The following PRKD2 variants were observed in gnomAD, a reference collection of about 807,000 sequenced individuals.
PRKD2 encodes the protein serine/threonine-protein kinase D2.
A neutral mutation model predicts 86.0 loss-of-function variants in PRKD2; 22 were observed. The observed-to-expected ratio is 0.26, with a 90% CI of 0.18 to 0.37. The LOEUF is 0.37. PRKD2 is among the 10% of genes least tolerant of loss of function. The pLI is 1.00. For missense variants in PRKD2, 818 were observed against 1,199.2 expected, an observed-to-expected ratio of 0.68 and a Z score of 4.70; for synonymous variants, 509 against 510.9, an observed-to-expected ratio of 1.00 and a Z score of 0.05.
chr19:46,708,651 G>A (rs780827846), intron 3 of PRKD2, among the ~76,000 whole-genome samples: 1 of 152,084 alleles, frequency 6.6e-6, no homozygotes, highest in Non-Finnish European at 1.5e-5. Context: ...CTCTCTCTCC[G>A]TGTCCCATGT....
intron 14 of PRKD2, among the ~76,000 whole-genome samples, chr19:46,688,307 T>G (rs2053429786): frequency 1.3e-5 from 2 of 151,976 alleles, no homozygotes; most frequent in Admixed American, 1.3e-4. Flanking sequence ...CTGACTCCCC[T>G]TTTTTCTAGA....
chr19:46,694,323 G>A (rs933713010), intron 9 of PRKD2, among the ~76,000 whole-genome samples, 190 bp from the exon 10 acceptor site: 2 of 152,202 alleles, frequency 1.3e-5, no homozygotes, highest in Non-Finnish European at 2.9e-5. Context: ...GGCCAGGTGC[G>A]GTGGCTCATG....
chr19:46,689,731 T>A, intron 13 of PRKD2, 33 bp from the exon 14 acceptor site: 1 of 1,612,540 alleles, frequency 6.2e-7, no homozygotes, highest in Non-Finnish European at 8.5e-7. Flanking sequence ...AGGGCCCAGG[T>A]AACCCACAAA....
chr19:46,715,984 G>T, intron 1 of PRKD2, 147 bp downstream of exon 1: 1 of 1,311,730 alleles, frequency 7.6e-7, no homozygotes, highest in Non-Finnish European at 1.0e-6. Context: ...GAGGGGCAAT[G>T]GAGGGGGGCA....
chr19:46,690,562 A>G, intron 13 of PRKD2, 38 bp downstream of exon 13: 2 of 1,598,576 alleles, frequency 1.3e-6, no homozygotes, highest in East Asian at 4.5e-5. Flanking sequence ...TGGCCCATGA[A>G]AGGAAGAAGC....
intron 9 of PRKD2, among the ~76,000 whole-genome samples, chr19:46,695,540 C>T (rs1308666927): frequency 6.6e-6 from 1 of 152,182 alleles, no homozygotes; most frequent in East Asian, 1.9e-4. Context: ...CTTTGCGGGC[C>T]ACAAGGAAGA....
At chr19:46,701,315 G>A (rs1338120909) in intron 5 of PRKD2, among the ~76,000 whole-genome samples, 1 of 151,602 alleles carries the variant, frequency 6.6e-6, no homozygotes, top group Non-Finnish European at 1.5e-5. Flanking sequence ...TAAGTAGGAG[G>A]GCTAGACTCA....
At chr19:46,696,625 G>A (rs891435500) in intron 9 of PRKD2, among the ~76,000 whole-genome samples, 1 of 152,020 alleles carries the variant, frequency 6.6e-6, no homozygotes, top group Non-Finnish European at 1.5e-5. Flanking sequence ...GGGTGTGGTG[G>A]CATTCACCTG....
intron 10 of PRKD2, among the ~76,000 whole-genome samples, chr19:46,692,402 GCCAGACATTTCTAAAGT>G (rs2053496017): frequency 1.3e-5 from 2 of 151,944 alleles, no homozygotes; most frequent in South Asian, 4.2e-4. Context: ...CCCAACCAGA[GCCAGACATTTCTAAAGT>G]CCGATCCTTC....
At chr19:46,676,084 T>C (rs551074949) in intron 16 of PRKD2, among the ~76,000 whole-genome samples, 12 of 152,160 alleles carry the variant, frequency 7.9e-5, no homozygotes, top group Non-Finnish European at 1.6e-4. Flanking sequence ...CAATTTACAA[T>C]GGGCAATGGG....
At chr19:46,705,021 C>T (rs1380911053) in intron 3 of PRKD2, among the ~76,000 whole-genome samples, 7 of 151,444 alleles carry the variant, frequency 4.6e-5, no homozygotes, top group Admixed American at 2.0e-4. Flanking sequence ...ACCCTGAACA[C>T]GCCTCACACC....
chr19:46,692,711 TCTACCCCCAACATGCTATTCCTGACACA>T (rs2053501015), intron 10 of PRKD2, among the ~76,000 whole-genome samples: 1 of 152,110 alleles, frequency 6.6e-6, no homozygotes, highest in Non-Finnish European at 1.5e-5. Context: ...ACCTCTGACT[TCTACCCCCAACATGCTATTCCTGACACA>T]CTGGCCTCCT....
At chr19:46,708,457 A>T (rs2053750113) in intron 3 of PRKD2, among the ~76,000 whole-genome samples, 2 of 151,838 alleles carry the variant, frequency 1.3e-5, no homozygotes, top group East Asian at 3.9e-4. Context: ...AGCTAGGACT[A>T]GAGGTATGCA....
Position 46,713,901 on chromosome 19 carries a change from T to C in PRKD2, c.341A>G (p.Asp114Gly). 1 of 1,612,034 alleles carries C rather than the reference T, an allele frequency of 6.2e-7. No individual in the cohort carries two copies. Among genetic ancestry groups the C allele is most frequent in the African/African-American group, 1.3e-5 (1 of 74,866 alleles). ...CTCCACCAGGTCGCCCTCCTGGATG[T>C]CTCCGGACGAGCGCACCAGCTGCAG... ...NLLQLVRSSG[D>G]IQEGDLVEVV... Residue 114 changes from aspartate (D) to glycine (G), a missense_variant, in exon 2 of 18, where the codon GAC (aspartate) becomes GGC (glycine). By Grantham distance (94) the Asp-to-Gly change is moderately conservative. Coordinates refer to ENST00000291281, the MANE Select transcript of PRKD2 (RefSeq NM_016457.5).
At chr19:46,680,854 C>T (rs2053287977) in intron 15 of PRKD2, among the ~76,000 whole-genome samples, 1 of 147,884 alleles carries the variant, frequency 6.8e-6, no homozygotes, top group Non-Finnish European at 1.5e-5. Flanking sequence ...TAGGCATGAG[C>T]CACCTCCCCT....
In PRKD2 at chr19:46,678,421, G is replaced by A. The variant is rs774867853; in HGVS notation, c.2313C>T (p.Ser771=). The A allele has an allele frequency of 6.3e-5, 102 of 1,614,010 alleles. No individual in the cohort carries two copies. Among genetic ancestry groups the A allele is most frequent in the Non-Finnish European group, 8.0e-5 (94 of 1,180,034 alleles). ...CTCCAGCTGAGATGTGGCTCCAGGG[G>A]CTGGCCGGGTACATGAAGGCGGCGT... The part of the protein sequence containing the change: ...IQNAAFMYPA[S]PWSHISAGAI... The change falls in exon 16 of 18, where the codon AGC becomes AGT. Residue 771 remains serine, a synonymous_variant. Transcript: ENST00000291281. This position sits in a 1 kb window ranked among gnomAD's most constrained non-coding sequence, Gnocchi z 5.7.
In PRKD2 at chr19:46,695,903, A is replaced by C. The variant is rs151176857; in HGVS notation, c.1317+1254T>G. The stretch of plus-strand genomic sequence containing the variant: ...GCCCAGGCAGGAGTGCAGTGACGCG[A>C]TCTCAGCTCACTGCAACCTCCACCT... On this transcript the variant is annotated intron_variant, in intron 9 of 17. Coordinates refer to ENST00000291281, the MANE Select transcript of PRKD2 (RefSeq NM_016457.5). 8.3e-3 allele frequency among the ~76,000 whole-genome samples: 1,259 copies of C among 152,124 alleles called. 28 individuals carry two copies. Among genetic ancestry groups the C allele is most frequent in the East Asian group, 0.053 (276 of 5,166 alleles).
intron 3 of PRKD2, among the ~76,000 whole-genome samples, chr19:46,709,816 GA>G: frequency 6.6e-6 from 1 of 152,190 alleles, no homozygotes; most frequent in East Asian, 1.9e-4. Flanking sequence ...TCCACCTGTG[GA>G]CATCAGCTTC....
At chr19:46,702,264 T>C (rs2053647737) in intron 5 of PRKD2, among the ~76,000 whole-genome samples, 1 of 152,018 alleles carries the variant, frequency 6.6e-6, no homozygotes, top group Non-Finnish European at 1.5e-5. Context: ...GGTCTTGAAC[T>C]CCTGGGCTCA....
Sources: gnomAD v4.1 joint callset for allele counts (sites outside exome capture counted in the v4.1 genomes callset) on GRCh38, gnomAD v4.1.1 for gene constraint, Gnocchi (gnomAD v3.1) non-coding constraint, MANE v1.5 for transcripts, NCBI Gene and HGNC (gene_info 2026-07-23, HGNC 2026-07-21) for gene names.